The following STUM variants were observed in gnomAD, a reference collection of about 807,000 sequenced individuals.
STUM encodes the protein stum, mechanosensory transduction mediator homolog.
STUM carries 8 observed loss-of-function variants against 15.3 expected under a neutral mutation model. That is an observed-to-expected ratio of 0.52 (90% CI 0.31 to 0.94). STUM has a LOEUF of 0.94. STUM is among the 40% of genes least tolerant of loss of function. The pLI, the probability that STUM is intolerant of heterozygous loss-of-function variation, is 0.05. For synonymous variants in STUM, 78 were observed against 88.7 expected (o/e 0.88, Z 0.68); for missense variants, 142 against 204.9 (o/e 0.69, Z 1.87).
At chr1:226,592,218 T>A (rs749063113) in intron 1 of STUM, among the ~76,000 whole-genome samples, 9 of 152,170 alleles carry the variant, frequency 5.9e-5, no homozygotes, top group Non-Finnish European at 1.2e-4. Context: ...CAGCTAATTT[T>A]TGTATTTTTG....
chr1:226,571,124 G>A (rs1177489807), intron 1 of STUM, among the ~76,000 whole-genome samples: 1 of 152,044 alleles, frequency 6.6e-6, no homozygotes, highest in South Asian at 2.1e-4. Context: ...CCATCTATTC[G>A]GGAGGCTGAG....
chr1:226,594,513 G>A (rs1013936974), intron 1 of STUM, among the ~76,000 whole-genome samples: 1 of 152,262 alleles, frequency 6.6e-6, no homozygotes. Flanking sequence ...GGGAGGCAGT[G>A]CAGAGGGGCG....
chr1:226,560,008 G>A (rs991752740), intron 1 of STUM, among the ~76,000 whole-genome samples: 12 of 152,038 alleles, frequency 7.9e-5, no homozygotes, highest in Non-Finnish European at 1.5e-4. Context: ...GTATGATGGC[G>A]GGCGCCTGTA....
At chr1:226,597,204 C>T (rs561714398) in intron 2 of STUM, among the ~76,000 whole-genome samples, 131 of 152,342 alleles carry the variant, frequency 8.6e-4, no homozygotes, top group Middle Eastern at 3.4e-3. Flanking sequence ...GAGTGGATGG[C>T]AGGAGAGTTC....
chr1:226,584,443 A>G (rs1038819633), intron 1 of STUM, among the ~76,000 whole-genome samples: 2 of 152,244 alleles, frequency 1.3e-5, no homozygotes, highest in Admixed American at 6.5e-5. Flanking sequence ...AGAGGAAAGT[A>G]TATGGGCCCA....
chr1:226,549,224 C>T lies in STUM; in HGVS notation c.202+118C>T. 2.4e-6 allele frequency: 2 copies of T among 839,340 alleles called. No individual in the cohort carries two copies. The highest frequency in any genetic ancestry group is 3.6e-6 in the Non-Finnish European group (2 of 560,588). The allele number at this position is 839,340 out of a possible 1,614,324, so 52.0% of individuals were successfully genotyped here. On this transcript the variant is annotated intron_variant, in intron 1 of 3. Transcript: ENST00000366788. This position sits in a 1 kb window ranked among gnomAD's most constrained non-coding sequence, Gnocchi z 6.8. ...GGCCGCGCGCTCCAAGTGCTGCGAC[C>T]ACGCGCCACCGCCCGCTCCTGGCGT... is the stretch of plus-strand genomic sequence containing the variant.
At chr1:226,572,572 G>A (rs1667727328) in intron 1 of STUM, among the ~76,000 whole-genome samples, 1 of 152,212 alleles carries the variant, frequency 6.6e-6, no homozygotes, top group Non-Finnish European at 1.5e-5. Context: ...AACTCCCAGA[G>A]GGCAGGGCCT....
chr1:226,587,256 A>G (rs1668012531), intron 1 of STUM, among the ~76,000 whole-genome samples: 1 of 152,152 alleles, frequency 6.6e-6, no homozygotes, highest in Non-Finnish European at 1.5e-5. Context: ...CTTCACCCCC[A>G]GCAGGATGAG....
At chr1:226,569,958 A>C (rs563388711) in intron 1 of STUM, among the ~76,000 whole-genome samples, 25 of 152,150 alleles carry the variant, frequency 1.6e-4, no homozygotes, top group Non-Finnish European at 3.4e-4. Context: ...AGAAATACTA[A>C]AAAAGAGCCT....
At chr1:226,554,007 A>C (rs1667410320) in intron 1 of STUM, among the ~76,000 whole-genome samples, 1 of 152,200 alleles carries the variant, frequency 6.6e-6, no homozygotes, top group Non-Finnish European at 1.5e-5. Flanking sequence ...ACCCGATGCC[A>C]TATGGCTTGC....
intron 1 of STUM, among the ~76,000 whole-genome samples, chr1:226,566,542 A>G (rs538372085): frequency 1.3e-5 from 2 of 152,304 alleles, no homozygotes; most frequent in South Asian, 4.1e-4. Flanking sequence ...AAAGTAATAA[A>G]TTAGTATTTC....
chr1:226,587,150 G>T (rs1384045342), intron 1 of STUM, among the ~76,000 whole-genome samples: 2 of 152,194 alleles, frequency 1.3e-5, no homozygotes, highest in African/African-American at 4.8e-5. Context: ...AGAGGTCTAG[G>T]AGGGGGCAGG....
At chr1:226,596,243 C>T (rs1043893407) in intron 1 of STUM, among the ~76,000 whole-genome samples, 5 of 148,642 alleles carry the variant, frequency 3.4e-5, no homozygotes, top group Non-Finnish European at 7.5e-5. Context: ...TCCTAGTCTG[C>T]GCCCTCTACA....
chr1:226,555,506 C>T (rs77264648), intron 1 of STUM, among the ~76,000 whole-genome samples: 1 of 152,118 alleles, frequency 6.6e-6, no homozygotes, highest in Non-Finnish European at 1.5e-5. Flanking sequence ...AACTTTGACT[C>T]TTTTCTTTTT....
At position 226,549,607 on chromosome 1, in the gene STUM, C is replaced by G. The variant is rs926731681; in HGVS notation, c.202+501C>G. Among the ~76,000 whole-genome samples the G allele has an allele frequency of 5.3e-5, 8 of 152,312 alleles. No homozygotes were observed. The East Asian group carries it at 1.6e-3, about 30-fold the overall frequency. ...GCCGGGCTAGATATACCTGCAGCCC[C>G]CTTTGGTTCGCGGAGTGCGGACCGC... is the stretch of plus-strand genomic sequence containing the variant. On this transcript the variant is annotated intron_variant, in intron 1 of 3. Transcript: ENST00000366788. This position sits in a 1 kb window ranked among gnomAD's most constrained non-coding sequence, Gnocchi z 6.8.
At chr1:226,561,242 C>T (rs1667537067) in intron 1 of STUM, among the ~76,000 whole-genome samples, 1 of 152,160 alleles carries the variant, frequency 6.6e-6, no homozygotes, top group Non-Finnish European at 1.5e-5. Context: ...CTTCTATTTC[C>T]AATCGCAACT....
At chr1:226,580,676 T>A (rs1442972573) in intron 1 of STUM, among the ~76,000 whole-genome samples, 2 of 152,126 alleles carry the variant, frequency 1.3e-5, no homozygotes, top group African/African-American at 4.8e-5. Context: ...CAAGGGCTGC[T>A]CTTGCCCCAC....
At chr1:226,588,937 C>T (rs1423498646) in intron 1 of STUM, among the ~76,000 whole-genome samples, 4 of 152,246 alleles carry the variant, frequency 2.6e-5, no homozygotes, top group Admixed American at 6.5e-5. Flanking sequence ...AAAAGGCCTT[C>T]CTCAACCAAC....
chr1:226,578,153 C>T (rs1271536925), intron 1 of STUM, among the ~76,000 whole-genome samples: 1 of 152,146 alleles, frequency 6.6e-6, no homozygotes, highest in Non-Finnish European at 1.5e-5. Context: ...ATCTCACCAT[C>T]TTGCTTCTGT....
Sources: gnomAD v4.1 joint callset for allele counts (sites outside exome capture counted in the v4.1 genomes callset) on GRCh38, gnomAD v4.1.1 for gene constraint, Gnocchi (gnomAD v3.1) non-coding constraint, MANE v1.5 for transcripts, NCBI Gene and HGNC (gene_info 2026-07-23, HGNC 2026-07-21) for gene names.